INPP4A: variants seen among roughly 807,000 people sequenced by gnomAD.
INPP4A encodes inositol polyphosphate-4-phosphatase, type I, 107kD.
Under a neutral mutation model 119.8 loss-of-function variants are expected in INPP4A, and 33 were observed. The ratio of observed to expected loss-of-function variants is 0.28; its 90% CI spans 0.21 to 0.37. The LOEUF (loss-of-function observed/expected upper bound fraction) is 0.37. Among genes scored for constraint, INPP4A ranks in the 10% least tolerant of loss-of-function variants. The pLI is 1.00. For missense variants in INPP4A, 956 were observed against 1,289.9 expected (o/e 0.74, Z 3.97); for synonymous variants, 496 against 500.7 (o/e 0.99, Z 0.12).
intron 7 of INPP4A, 45 bp downstream of exon 7, chr2:98,536,253 G>A: frequency 2.4e-6 from 3 of 1,224,678 alleles, no homozygotes; most frequent in Non-Finnish European, 3.6e-6. Context: ...GGAATCATGA[G>A]GTCCAGGGAC....
intron 1 of INPP4A, among the ~76,000 whole-genome samples, chr2:98,449,185 A>G (rs1694810606): frequency 6.6e-6 from 1 of 152,218 alleles, no homozygotes; most frequent in African/African-American, 2.4e-5. Flanking sequence ...ATGTAAATAT[A>G]GTTACTGCTC....
At chr2:98,555,899 C>T in intron 16 of INPP4A, 91 bp downstream of exon 16, 1 of 1,431,494 alleles carries the variant, frequency 7.0e-7, no homozygotes, top group Non-Finnish European at 9.4e-7. Flanking sequence ...TGCCCTCCTC[C>T]CCCATGCAGA....
At chr2:98,447,680 G>GT (rs1694429951) in intron 1 of INPP4A, among the ~76,000 whole-genome samples, 1 of 152,018 alleles carries the variant, frequency 6.6e-6, no homozygotes, top group African/African-American at 2.4e-5. Context: ...ATTCCTGTGT[G>GT]TTACTACTTT....
chr2:98,457,874 C>T (rs750324844), intron 1 of INPP4A, among the ~76,000 whole-genome samples: 4 of 151,978 alleles, frequency 2.6e-5, no homozygotes, highest in Admixed American at 6.6e-5. Context: ...AGCCATAGCT[C>T]GCTGCAGCCT....
At chr2:98,445,220 T>C (rs2104330784) in intron 1 of INPP4A, 135 bp downstream of exon 1, 2 of 152,144 alleles carry the variant, frequency 1.3e-5, no homozygotes, top group South Asian at 4.1e-4. Context: ...TTCATGGAAA[T>C]TGCACTGCCT....
rs116972139 is a variant in INPP4A at position 98,573,147 on chromosome 2, A to G, written c.2631+220A>G. 2.6e-5 allele frequency among the ~76,000 whole-genome samples: 4 copies of G among 152,182 alleles called. No homozygotes were observed. In the East Asian group the frequency reaches 7.7e-4, roughly 29 times the overall value. ...AATTCTGATAAGCTTAACACAGTCC[A>G]TCTCTTGGGGCATTTACTAGCCAGG... On this transcript the variant is annotated intron_variant, in intron 23 of 24. Transcript: ENST00000409851.
chr2:98,508,544 C>G (rs1684521446), intron 1 of INPP4A, among the ~76,000 whole-genome samples: 2 of 152,216 alleles, frequency 1.3e-5, no homozygotes, highest in Non-Finnish European at 2.9e-5. Context: ...GTTCCCGGCC[C>G]TCTTGGAGCA....
chr2:98,562,406 C>T (rs895897585), intron 17 of INPP4A, among the ~76,000 whole-genome samples: 1 of 152,202 alleles, frequency 6.6e-6, no homozygotes, highest in Admixed American at 6.5e-5. Flanking sequence ...GCCCTTCTCT[C>T]GGTCTCTGAG....
chr2:98,581,793 CAAAA>C (rs1559120387), intron 24 of INPP4A: 1 of 1,586,008 alleles, frequency 6.3e-7, no homozygotes, highest in Non-Finnish European at 8.6e-7. Flanking sequence ...ACAAGAAAAA[CAAAA>C]GTGCCAGAAC....
chr2:98,573,038 G>A (rs201063876), intron 23 of INPP4A, 111 bp downstream of exon 23: 1 of 760,372 alleles, frequency 1.3e-6, no homozygotes. Context: ...CTCCATACTG[G>A]GAGAGGAGGG....
chr2:98,463,129 A>G (rs1673948776), intron 1 of INPP4A, among the ~76,000 whole-genome samples: 1 of 152,190 alleles, frequency 6.6e-6, no homozygotes, highest in South Asian at 2.1e-4. Flanking sequence ...GACGTGAGCC[A>G]CCGCGCCCAG....
At chr2:98,465,220 C>T (rs764141176) in intron 1 of INPP4A, among the ~76,000 whole-genome samples, 1 of 152,216 alleles carries the variant, frequency 6.6e-6, no homozygotes, top group Non-Finnish European at 1.5e-5. Context: ...ATGTTCCCTC[C>T]AGTAGCTTAG....
intron 24 of INPP4A, among the ~76,000 whole-genome samples, chr2:98,587,128 C>T (rs1012260634): frequency 2.6e-5 from 4 of 152,182 alleles, no homozygotes; most frequent in African/African-American, 9.7e-5. Context: ...ACTTCATTTG[C>T]TATGTGAGGG....
At chr2:98,555,870 G>T in intron 16 of INPP4A, 62 bp downstream of exon 16, 2 of 1,497,938 alleles carry the variant, frequency 1.3e-6, no homozygotes, top group South Asian at 1.3e-5. Context: ...GCTTCCATTT[G>T]TCTGTGTCTC....
At chr2:98,519,875 C>T (rs1306708618) in intron 2 of INPP4A, 71 bp from the exon 3 acceptor site, 1 of 615,000 alleles carries the variant, frequency 1.6e-6, no homozygotes, top group Non-Finnish European at 3.0e-6. Flanking sequence ...AGGTCACGTT[C>T]TTTCTAAATG....
chr2:98,527,477 G>T (rs542769768), intron 4 of INPP4A, among the ~76,000 whole-genome samples: 14 of 152,318 alleles, frequency 9.2e-5, no homozygotes, highest in African/African-American at 3.4e-4. Flanking sequence ...GAAAGCTGGG[G>T]AATGAGATAT....
chr2:98,490,516 A>G (rs981514831), intron 1 of INPP4A, among the ~76,000 whole-genome samples: 8 of 150,768 alleles, frequency 5.3e-5, no homozygotes, highest in Non-Finnish European at 1.2e-4. Context: ...TATCATGGTT[A>G]TATATGGAGA....
intron 4 of INPP4A, among the ~76,000 whole-genome samples, chr2:98,527,076 G>A (rs1688316102): frequency 6.6e-6 from 1 of 152,152 alleles, no homozygotes; most frequent in African/African-American, 2.4e-5. Flanking sequence ...CATATCAAAT[G>A]GGTTCTTAGA....
rs191783152 is a variant in INPP4A at position 98,448,240 on chromosome 2, G to C, written c.-166+3155G>C. Among the ~76,000 whole-genome samples the C allele has an allele frequency of 5.2e-3, 776 of 149,556 alleles. 13 individuals carry two copies. The highest frequency in any genetic ancestry group is 0.018 in the African/African-American group (721 of 40,630). On this transcript the variant is annotated intron_variant, in intron 1 of 24. Coordinates refer to ENST00000409851, the MANE Select transcript of INPP4A (RefSeq NM_001134225.2). ...GTATAGTGGCGTGTGCTCGTAGTCC[G>C]AGCTACTTGGGAGGCTAAGGCATGA...
Sources: gnomAD v4.1 joint callset for allele counts (sites outside exome capture counted in the v4.1 genomes callset) on GRCh38, gnomAD v4.1.1 for gene constraint, MANE v1.5 for transcripts, NCBI Gene and HGNC (gene_info 2026-07-23, HGNC 2026-07-21) for gene names.